CTAGE9: variants seen among roughly 807,000 people sequenced by gnomAD.
The protein encoded by CTAGE9 is CTAGE family member 9, also known as cutaneous T-cell lymphoma-associated antigen 9.
For missense variants in CTAGE9, 248 were observed against 884.0 expected, an observed-to-expected ratio of 0.28 and a Z score of 9.12; for synonymous variants, 107 against 315.9, an observed-to-expected ratio of 0.34 and a Z score of 7.01.
rs199637587 is a variant in CTAGE9 at position 131,708,817 on chromosome 6, C to G, written c.2201G>C (p.Arg734Pro). 2.9e-5 allele frequency: 46 copies of G among 1,609,196 alleles called. No homozygotes were observed. Among genetic ancestry groups the G allele is most frequent in the Non-Finnish European group, 3.4e-5 (40 of 1,179,772 alleles). ...PPPGTMFGAS[R>P]GYFPPRDFPG... is the part of the protein sequence containing the mutation. ...GAAATCCCTTGGTGGAAAATAACCT[C>G]GAGAAGCTCCAAACATGGTTCCTGG... The change falls in exon 1 of 1, where the codon CGA (arginine) becomes CCA (proline). Residue 734 changes from arginine to proline, a missense_variant. Arg to Pro is a moderately radical substitution (Grantham distance 103, BLOSUM62 -2). Coordinates refer to ENST00000314099, the MANE Select transcript of CTAGE9 (RefSeq NM_001145659.1).
chr6:131,709,764 T>C lies in CTAGE9; in HGVS notation c.1254A>G (p.Arg418=). The change falls in exon 1 of 1, where the codon AGA becomes AGG. Residue 418 remains arginine (R), a synonymous_variant. Coordinates refer to ENST00000314099, the MANE Select transcript of CTAGE9 (RefSeq NM_001145659.1). ...TGGCATGGCTGATCTTTTCTTCCAC[T>C]CTAGAAAGCTTCTCTTCTTCCTCTA... ...YRIEEEEKLS[R]VEEKISHATE... 6.2e-7 allele frequency: 1 copy of C among 1,613,970 alleles called. No homozygotes were observed. Among genetic ancestry groups the C allele is most frequent in the Non-Finnish European group, 8.5e-7 (1 of 1,179,924 alleles).
chr6:131,710,057 C>T lies in CTAGE9; in HGVS notation c.961G>A (p.Ala321Thr), dbSNP rs1416669600. ...TTTAAAGAAACATTTAACTTAGCAG[C>T]ATGAATCAGTTTCTTCAAAGCTCCT... ...PKGALKKLIHAAKLNVSLKSL... is the reference protein window; with the variant it reads ...PKGALKKLIHTAKLNVSLKSL... The change falls in exon 1 of 1, where the codon GCT (alanine) becomes ACT (threonine). Residue 321 changes from alanine to threonine, a missense_variant. Transcript: ENST00000314099. The T allele has an allele frequency of 4.3e-6, 7 of 1,612,876 alleles. No homozygotes were observed. The Admixed American group carries it at 1.2e-4, about 27-fold the overall frequency.
chr6:131,709,643 C>T lies in CTAGE9; in HGVS notation c.1375G>A (p.Glu459Lys), dbSNP rs1303891694. 1.4e-5 allele frequency: 23 copies of T among 1,611,808 alleles called. No individual in the cohort carries two copies. Among genetic ancestry groups the T allele is most frequent in the East Asian group, 2.2e-5 (1 of 44,794 alleles). The change falls in exon 1 of 1, where the codon GAG becomes AAG. Residue 459 changes from glutamate to lysine, a missense_variant. By Grantham distance (56) the Glu-to-Lys change is moderately conservative. Coordinates refer to ENST00000314099, the MANE Select transcript of CTAGE9 (RefSeq NM_001145659.1). ...AACCAATTATCATGTCCTCTTTTCT[C>T]GTAGGAAATAACCTGCTTTTGATAA... ...HFYQKQVISY[E>K]KRGHDNWLAA...
At position 131,709,827 on chromosome 6, in the gene CTAGE9, T is replaced by A. The variant is rs1429249591; in HGVS notation, c.1191A>T (p.Lys397Asn). 6.2e-7 allele frequency: 1 copy of A among 1,605,892 alleles called. No homozygotes were observed. The highest frequency in any genetic ancestry group is 2.1e-4 in the Middle Eastern group (1 of 4,820). The change falls in exon 1 of 1, where the codon AAA becomes AAT. Residue 397 changes from lysine (K) to asparagine (N), a missense_variant. Coordinates refer to ENST00000314099, the MANE Select transcript of CTAGE9 (RefSeq NM_001145659.1). Reference sequence around the variant, plus strand: ...CCTCCACTGTTAATTTCCTGTAGAGTTTCATTTCATTTTCTTGATAGAATT... The same window carrying A: ...CCTCCACTGTTAATTTCCTGTAGAGATTCATTTCATTTTCTTGATAGAATT... ...MTEFYQENEM[K>N]LYRKLTVEEN... is the part of the protein sequence containing the mutation.
rs1779748186 is a variant in CTAGE9, at chr6:131,710,141, G to C, written c.877C>G (p.Leu293Val). 1.2e-6 allele frequency: 2 copies of C among 1,613,880 alleles called. No individual in the cohort carries two copies. The highest frequency in any genetic ancestry group is 1.7e-6 in the Non-Finnish European group (2 of 1,179,866). Residue 293 changes from leucine to valine, a missense_variant, in exon 1 of 1, where the codon CTG (leucine) becomes GTG (valine). Transcript: ENST00000314099. ...LEEDTTDDDN[L>V]ELKVNSQWEN... is the part of the protein sequence containing the mutation. ...CATTGACTGTTCACTTTTAATTCCA[G>C]GTTATCATCATCCGTTGTGTCTTCT...
At position 131,709,945 on chromosome 6, in the gene CTAGE9, T is replaced by G; in HGVS notation, c.1073A>C (p.Asn358Thr). ...CAAAGATGCTTGTTGAGTCTGAAGA[T>G]TTTTAATATGCTCTGTAAGCTCTTC... ...TKEELTEHIK[N>T]LQTQQASLQS... The change falls in exon 1 of 1, where the codon AAT becomes ACT. Residue 358 changes from asparagine (N) to threonine (T), a missense_variant. Asn to Thr is a moderately conservative substitution (Grantham distance 65). Coordinates refer to ENST00000314099, the MANE Select transcript of CTAGE9 (RefSeq NM_001145659.1). The G allele has an allele frequency of 6.3e-7, 1 of 1,583,930 alleles. No individual in the cohort carries two copies. The highest frequency in any genetic ancestry group is 8.6e-7 in the Non-Finnish European group (1 of 1,165,212).
Position 131,710,851 on chromosome 6 carries a change from A to G in CTAGE9, c.167T>C (p.Leu56Pro), listed in dbSNP as rs1779768849. 6.2e-7 allele frequency: 1 copy of G among 1,612,546 alleles called. No homozygotes were observed. Among genetic ancestry groups the G allele is most frequent in the African/African-American group, 1.4e-5 (1 of 74,030 alleles). ...TCTAAAACTTCTCCACAAAAAAAGG[A>G]GAACAACAAAAAATCCAATAACAGC... ...CAAVIGFFVV[L>P]LFLWRSFRSV... The change falls in exon 1 of 1, where the codon CTC becomes CCC. Residue 56 changes from leucine to proline, a missense_variant. By Grantham distance (98) the Leu-to-Pro change is moderately conservative. Coordinates refer to ENST00000314099, the MANE Select transcript of CTAGE9 (RefSeq NM_001145659.1).
chr6:131,710,759 C>T lies in CTAGE9; in HGVS notation c.259G>A (p.Glu87Lys), dbSNP rs1372762439. 2.5e-6 allele frequency: 4 copies of T among 1,612,604 alleles called. No homozygotes were observed. The highest frequency in any genetic ancestry group is 3.4e-6 in the Non-Finnish European group (4 of 1,179,798). The stretch of plus-strand genomic sequence containing the variant: ...TTTTCAAGTAGTTTACATTTTTCTT[C>T]AATTAGTCCAGAAAGCGTTGCACCA... ...KLGATLSGLI[E>K]EKCKLLEKFS... The change falls in exon 1 of 1, where the codon GAA (glutamate) becomes AAA (lysine). Residue 87 changes from glutamate to lysine, a missense_variant. Transcript: ENST00000314099.
In CTAGE9 at chr6:131,710,050, T is replaced by C. The variant is rs1468776484; in HGVS notation, c.968A>G (p.Lys323Arg). The C allele has an allele frequency of 8.7e-6, 14 of 1,612,658 alleles. No individual in the cohort carries two copies. Among genetic ancestry groups the C allele is most frequent in the Non-Finnish European group, 1.2e-5 (14 of 1,179,874 alleles). ...GALKKLIHAA[K>R]LNVSLKSLEG... is the part of the protein sequence containing the mutation. ...TAAGCTTTTTAAAGAAACATTTAAC[T>C]TAGCAGCATGAATCAGTTTCTTCAA... is the stretch of plus-strand genomic sequence containing the variant. Residue 323 changes from lysine (K) to arginine (R), a missense_variant, in exon 1 of 1, where the codon AAG (lysine) becomes AGG (arginine). Physicochemically the swap from Lys to Arg is conservative, Grantham distance 26. Coordinates refer to ENST00000314099, the MANE Select transcript of CTAGE9 (RefSeq NM_001145659.1).
chr6:131,710,992 T>C lies in CTAGE9; in HGVS notation c.26A>G (p.Gln9Arg), dbSNP rs1042302391. MEEPGATP[Q>R]PYLGLVLEEL... is the part of the protein sequence containing the mutation. ...CTCCAGGACCAGCCCCAGGTAGGGC[T>C]GAGGGGTAGCACCAGGCTCCTCCAT... The change falls in exon 1 of 1, where the codon CAG (glutamine) becomes CGG (arginine). Residue 9 changes from glutamine to arginine, a missense_variant. Transcript: ENST00000314099. 15 of 1,581,394 alleles carry C rather than the reference T, an allele frequency of 9.5e-6. 2 individuals are homozygous for C. Among genetic ancestry groups the C allele is most frequent in the Non-Finnish European group, 1.3e-5 (15 of 1,176,188 alleles).
chr6:131,710,118 T>C lies in CTAGE9; in HGVS notation c.900A>G (p.Gln300=), dbSNP rs1284516916. 2.2e-5 allele frequency: 35 copies of C among 1,613,886 alleles called. No individual in the cohort carries two copies. Among genetic ancestry groups the C allele is most frequent in the Non-Finnish European group, 2.9e-5 (34 of 1,179,916 alleles). The change falls in exon 1 of 1, where the codon CAA becomes CAG. Residue 300 remains glutamine (Q), a synonymous_variant. Coordinates refer to ENST00000314099, the MANE Select transcript of CTAGE9 (RefSeq NM_001145659.1). ...CATCTAAGTTAGCACCATTTTCCCA[T>C]TGACTGTTCACTTTTAATTCCAGGT... ...DDNLELKVNS[Q]WENGANLDDP... is the part of the protein sequence containing the mutation.
chr6:131,708,463 T>A lies in CTAGE9; in HGVS notation c.*221A>T, dbSNP rs1779691309. 6.6e-6 allele frequency among the ~76,000 whole-genome samples: 1 copy of A among 152,294 alleles called. No homozygotes were observed. The highest frequency in any genetic ancestry group is 1.5e-5 in the Non-Finnish European group (1 of 68,056). On this transcript the variant is annotated 3_prime_UTR_variant, in exon 1 of 1. Coordinates refer to ENST00000314099, the MANE Select transcript of CTAGE9 (RefSeq NM_001145659.1). ...AGATTCATATTCAAACCATCTTTAT[T>A]TACAAAATACTATCCTGAGAACTAT...
Position 131,709,848 on chromosome 6 carries a change from G to T in CTAGE9, c.1170C>A (p.Phe390Leu). ...AGAGTTTCATTTCATTTTCTTGATA[G>T]AATTCAGTCATTATTTTAAGTTTCT... ...LQQKLKIMTE[F>L]YQENEMKLYR... The change falls in exon 1 of 1, where the codon TTC becomes TTA. Residue 390 changes from phenylalanine (F) to leucine (L), a missense_variant. Coordinates refer to ENST00000314099, the MANE Select transcript of CTAGE9 (RefSeq NM_001145659.1). The T allele has an allele frequency of 6.2e-7, 1 of 1,600,028 alleles. No individual in the cohort carries two copies. Among genetic ancestry groups the T allele is most frequent in the Non-Finnish European group, 8.5e-7 (1 of 1,174,788 alleles).
rs1446771623 is a variant in CTAGE9, at chr6:131,710,942, G to C, written c.76C>G (p.Leu26Val). 1.3e-6 allele frequency: 2 copies of C among 1,566,010 alleles called. No individual in the cohort carries two copies. The highest frequency in any genetic ancestry group is 1.7e-6 in the Non-Finnish European group (2 of 1,172,500). The change falls in exon 1 of 1, where the codon CTA becomes GTA. Residue 26 changes from leucine to valine, a missense_variant. Transcript: ENST00000314099. ...LEELGRVVAA[L>V]PESMRPDENP... Reference sequence around the variant, plus strand: ...TCATCTGGTCTCATACTCTCAGGTAGTGCTGCCACAACTCTGCCTAGCTCC... The same window carrying C: ...TCATCTGGTCTCATACTCTCAGGTACTGCTGCCACAACTCTGCCTAGCTCC...
Position 131,709,707 on chromosome 6 carries a change from G to T in CTAGE9, c.1311C>A (p.Ala437=), listed in dbSNP as rs1322248220. 2 of 1,613,600 alleles carry T rather than the reference G, an allele frequency of 1.2e-6. No individual in the cohort carries two copies. Among genetic ancestry groups the T allele is most frequent in the African/African-American group, 1.3e-5 (1 of 74,812 alleles). Residue 437 remains alanine (A), a synonymous_variant, in exon 1 of 1, where the codon GCC becomes GCA. Transcript: ENST00000314099. ...TEELETYRKL[A]KDLEEELERT... Reference sequence around the variant, plus strand: ...TCTCCAATTCTTCTTCAAGATCTTTGGCTAGCTTTCTATAGGTCTCCAGCT... The same window carrying T: ...TCTCCAATTCTTCTTCAAGATCTTTTGCTAGCTTTCTATAGGTCTCCAGCT...
chr6:131,708,614 T>C lies in CTAGE9; in HGVS notation c.*70A>G. 6.4e-7 allele frequency: 1 copy of C among 1,558,952 alleles called. No homozygotes were observed. The highest frequency in any genetic ancestry group is 8.6e-7 in the Non-Finnish European group (1 of 1,163,908). Reference sequence around the variant, plus strand: ...AACAATATTGTCAGGTGTCTTGCTGTGGTTCTGGATGTCCAGTAGCAGGCT... The same window carrying C: ...AACAATATTGTCAGGTGTCTTGCTGCGGTTCTGGATGTCCAGTAGCAGGCT... On this transcript the variant is annotated 3_prime_UTR_variant, in exon 1 of 1. Coordinates refer to ENST00000314099, the MANE Select transcript of CTAGE9 (RefSeq NM_001145659.1).
At position 131,710,937 on chromosome 6, in the gene CTAGE9, A is replaced by G. The variant is rs1779772505; in HGVS notation, c.81T>C (p.Pro27=). 5 of 1,578,330 alleles carry G rather than the reference A, an allele frequency of 3.2e-6. No homozygotes were observed. Among genetic ancestry groups the G allele is most frequent in the Non-Finnish European group, 3.4e-6 (4 of 1,175,684 alleles). ...EELGRVVAAL[P]ESMRPDENPY... ...GATTCTCATCTGGTCTCATACTCTC[A>G]GGTAGTGCTGCCACAACTCTGCCTA... Residue 27 remains proline, a synonymous_variant, in exon 1 of 1, where the codon CCT becomes CCC. Transcript: ENST00000314099.
Position 131,710,972 on chromosome 6 carries a change from G to A in CTAGE9, c.46C>T (p.Leu16=). The part of the protein sequence containing the change: ...ATPQPYLGLV[L]EELGRVVAAL... ...GCCACAACTCTGCCTAGCTCCTCCA[G>A]GACCAGCCCCAGGTAGGGCTGAGGG... The change falls in exon 1 of 1, where the codon CTG becomes TTG. Residue 16 remains leucine (L), a synonymous_variant. Coordinates refer to ENST00000314099, the MANE Select transcript of CTAGE9 (RefSeq NM_001145659.1). 1.3e-6 allele frequency: 2 copies of A among 1,559,408 alleles called. No homozygotes were observed. The highest frequency in any genetic ancestry group is 1.1e-5 in the South Asian group (1 of 87,850).
Position 131,710,200 on chromosome 6 carries a change from A to G in CTAGE9, c.818T>C (p.Leu273Ser), listed in dbSNP as rs767365445. The stretch of plus-strand genomic sequence containing the variant: ...AGCAGCCTGATCTTTCATCATTGGC[A>G]AGTGTCCAGTCAGGGTCTTGATGTG... ...ENHIKTLTGH[L>S]PMMKDQAAVL... Residue 273 changes from leucine to serine, a missense_variant, in exon 1 of 1, where the codon TTG becomes TCG. Leu to Ser is a moderately radical substitution (Grantham distance 145). Transcript: ENST00000314099. The G allele has an allele frequency of 2.5e-6, 4 of 1,608,414 alleles. No individual in the cohort carries two copies. The highest frequency in any genetic ancestry group is 3.4e-6 in the Non-Finnish European group (4 of 1,177,374).
Sources: allele counts gnomAD v4.1 joint callset (sites outside exome capture counted in the v4.1 genomes callset), GRCh38; gene constraint gnomAD v4.1.1; transcripts MANE v1.5; gene names NCBI Gene and HGNC (gene_info 2026-07-23, HGNC 2026-07-21).